The following RBFOX3 variants were observed in gnomAD, a reference collection of about 807,000 sequenced individuals.
RBFOX3 encodes the protein RNA binding protein fox-1 homolog 3.
A neutral mutation model predicts 48.7 loss-of-function variants in RBFOX3; 17 were observed. The ratio of observed to expected loss-of-function variants is 0.35; its 90% confidence interval spans 0.24 to 0.52. RBFOX3 has a LOEUF of 0.52. Among genes scored for constraint, RBFOX3 ranks in the 20% least tolerant of loss-of-function variants. The pLI, the probability that RBFOX3 is intolerant of heterozygous loss-of-function variation, is 0.94. For missense variants in RBFOX3, 382 were observed against 497.5 expected, an observed-to-expected ratio of 0.77 and a Z score of 2.21; for synonymous variants, 212 against 209.5, an observed-to-expected ratio of 1.01 and a Z score of -0.10.
chr17:79,585,244 T>TA (rs1173390404), intron 1 of RBFOX3, among the ~76,000 whole-genome samples: 4 of 151,924 alleles, frequency 2.6e-5, no homozygotes, highest in Non-Finnish European at 5.9e-5. Flanking sequence ...CCCATTGGAA[T>TA]AAAAAAATTA....
At chr17:79,447,362 G>T (rs1259191037) in intron 2 of RBFOX3, among the ~76,000 whole-genome samples, 1 of 152,170 alleles carries the variant, frequency 6.6e-6, no homozygotes, top group East Asian at 1.9e-4. Flanking sequence ...CTGCACAAAT[G>T]GTCCCACAAA....
At chr17:79,142,626 G>A (rs554869202) in intron 4 of RBFOX3, among the ~76,000 whole-genome samples, 1 of 152,230 alleles carries the variant, frequency 6.6e-6, no homozygotes, top group African/African-American at 2.4e-5. Context: ...GGGCTGGATG[G>A]TGGAGAGTCT....
rs1485820597 is a variant in RBFOX3, at chr17:79,479,452, G to T, written c.-175+3002C>A. 6.6e-6 allele frequency among the ~76,000 whole-genome samples: 1 copy of T among 152,148 alleles called. No individual in the cohort carries two copies. The highest frequency in any genetic ancestry group is 1.5e-5 in the Non-Finnish European group (1 of 68,030). On this transcript the variant is annotated intron_variant, in intron 2 of 14. Coordinates refer to ENST00000693108, the MANE Select transcript of RBFOX3 (RefSeq NM_001350451.2). This position sits in a 1 kb window ranked among gnomAD's most constrained non-coding sequence, Gnocchi z 5.1. Reference sequence around the variant, plus strand: ...ACTGCATTGCTCCTTGCTCTGAGGGGCTTCCTCTCAGAGGGGCTTCCTTCT... The same window carrying T: ...ACTGCATTGCTCCTTGCTCTGAGGGTCTTCCTCTCAGAGGGGCTTCCTTCT...
At chr17:79,656,033 C>T in the RBFOX3 span, among the ~76,000 whole-genome samples, 2 of 152,176 alleles carry the variant, frequency 1.3e-5, no homozygotes, top group Non-Finnish European at 1.5e-5. Flanking sequence ...TTAGGCTGGG[C>T]TCCCCGTCCC....
chr17:79,469,120 C>T (rs554122251), intron 2 of RBFOX3, among the ~76,000 whole-genome samples: 1 of 151,070 alleles, frequency 6.6e-6, no homozygotes, highest in South Asian at 2.1e-4. Flanking sequence ...GATATAGCTC[C>T]TCTATAGAGG....
chr17:79,094,417 G>C (rs1444603253), intron 14 of RBFOX3, 34 bp downstream of exon 14: 2 of 1,464,520 alleles, frequency 1.4e-6, no homozygotes, highest in South Asian at 2.6e-5. Flanking sequence ...TGTTAGGACT[G>C]GCACCCAGGG....
intron 4 of RBFOX3, among the ~76,000 whole-genome samples, chr17:79,197,727 G>A (rs1174554544): frequency 3.9e-5 from 6 of 152,044 alleles, no homozygotes; most frequent in Non-Finnish European, 7.3e-5. Flanking sequence ...CAGACACATC[G>A]TCCACGCAGC....
At chr17:79,428,133 C>T (rs1280176961) in intron 2 of RBFOX3, among the ~76,000 whole-genome samples, 1 of 152,280 alleles carries the variant, frequency 6.6e-6, no homozygotes, top group Non-Finnish European at 1.5e-5. Context: ...GCAATATCCT[C>T]GCTGTCCTCG....
chr17:79,384,994 A>T (rs1000024480), intron 2 of RBFOX3, among the ~76,000 whole-genome samples: 4 of 152,220 alleles, frequency 2.6e-5, no homozygotes, highest in Admixed American at 2.0e-4. Flanking sequence ...GCCTCATCAG[A>T]TTGCCCTTCC....
chr17:79,533,406 C>G lies in RBFOX3; in HGVS notation c.-319-50808G>C, dbSNP rs565835040. ...AGCGAGGGTGGCGATAAACCCACCCCTCCGTGCTCAACATAAAAGCCACAG... is the reference window on the plus strand; with the variant it reads ...AGCGAGGGTGGCGATAAACCCACCCGTCCGTGCTCAACATAAAAGCCACAG... On this transcript the variant is annotated intron_variant, in intron 1 of 14. Transcript: ENST00000693108. Among the ~76,000 whole-genome samples the G allele has an allele frequency of 7.7e-4, 118 of 152,372 alleles. 1 individual carries two copies. Among genetic ancestry groups the G allele is most frequent in the African/African-American group, 2.7e-3 (111 of 41,590 alleles).
chr17:79,438,607 C>A (rs964914289), intron 2 of RBFOX3, among the ~76,000 whole-genome samples: 4 of 152,240 alleles, frequency 2.6e-5, no homozygotes, highest in African/African-American at 9.6e-5. Context: ...GTCTCCTCTC[C>A]CCTCTAGGAA....
chr17:79,359,989 G>C (rs867866652), intron 2 of RBFOX3, among the ~76,000 whole-genome samples: 1 of 152,062 alleles, frequency 6.6e-6, no homozygotes, highest in African/African-American at 2.4e-5. Flanking sequence ...GCCTCTCAAA[G>C]TGCTGGAATT....
chr17:79,200,111 C>T (rs567820385), intron 4 of RBFOX3, among the ~76,000 whole-genome samples: 21 of 132,744 alleles, frequency 1.6e-4, no homozygotes, highest in African/African-American at 4.1e-4. Flanking sequence ...TGCAGTGAGC[C>T]GATATTGCGT....
At chr17:79,142,254 C>T (rs543222942) in intron 4 of RBFOX3, among the ~76,000 whole-genome samples, 32 of 152,304 alleles carry the variant, frequency 2.1e-4, no homozygotes, top group Non-Finnish European at 3.4e-4. Flanking sequence ...GCCTCTGGCC[C>T]GACTGTATTA....
intron 4 of RBFOX3, among the ~76,000 whole-genome samples, chr17:79,224,595 G>A (rs567147137): frequency 6.6e-6 from 1 of 152,342 alleles, no homozygotes; most frequent in African/African-American, 2.4e-5. Flanking sequence ...ATCCCCTGAG[G>A]TGATCCAGAG....
At chr17:79,546,853 A>G (rs896625884) in intron 1 of RBFOX3, among the ~76,000 whole-genome samples, 11 of 151,724 alleles carry the variant, frequency 7.3e-5, no homozygotes, top group African/African-American at 2.7e-4. Flanking sequence ...TATTTTTAGT[A>G]GAGGCGGGGT....
At chr17:79,635,596 T>C in the RBFOX3 span, among the ~76,000 whole-genome samples, 1 of 152,108 alleles carries the variant, frequency 6.6e-6, no homozygotes, top group East Asian at 1.9e-4. Flanking sequence ...AGGAAAAACT[T>C]CTGGCTAAAA....
chr17:79,310,182 C>T (rs932695928), intron 2 of RBFOX3, among the ~76,000 whole-genome samples: 1 of 152,156 alleles, frequency 6.6e-6, no homozygotes, highest in Non-Finnish European at 1.5e-5. Flanking sequence ...AGCATGGCCT[C>T]CATAGCATGC....
chr17:79,198,413 G>A lies in RBFOX3; in HGVS notation c.-34+37353C>T, dbSNP rs564325985. On this transcript the variant is annotated intron_variant, in intron 4 of 14. Coordinates refer to ENST00000693108, the MANE Select transcript of RBFOX3 (RefSeq NM_001350451.2). The surrounding 1 kb of genome is among the most constrained non-coding windows in gnomAD (Gnocchi z 8.2). Reference sequence around the variant, plus strand: ...CTCAGTGCTAAGGTGACAGTGGAACGCTGGCATCTGTGTCCCGCCTGCCAG... The same window carrying A: ...CTCAGTGCTAAGGTGACAGTGGAACACTGGCATCTGTGTCCCGCCTGCCAG... 5.3e-5 allele frequency among the ~76,000 whole-genome samples: 8 copies of A among 152,316 alleles called. No homozygotes were observed. In the East Asian group the frequency reaches 1.4e-3, roughly 26 times the overall value.
Sources: gnomAD v4.1 joint callset for allele counts (sites outside exome capture counted in the v4.1 genomes callset) on GRCh38, gnomAD v4.1.1 for gene constraint, Gnocchi (gnomAD v3.1) non-coding constraint, MANE v1.5 for transcripts, NCBI Gene and HGNC (gene_info 2026-07-23, HGNC 2026-07-21) for gene names.